Variants in MSRA observed in about 807,000 individuals in gnomAD.
MSRA encodes mitochondrial peptide methionine sulfoxide reductase.
In MSRA, 54 loss-of-function variants were observed where a neutral mutation model predicts 31.3. The observed-to-expected ratio is 1.73, with a 90% CI of 1.39 to 2.17. The LOEUF (loss-of-function observed/expected upper bound fraction) is 2.17, where lower values mean the gene tolerates loss of function less well. Ranked by LOEUF, MSRA falls within the 30% of genes most tolerant of loss-of-function variation. MSRA has a pLI of 0.00. For synonymous variants in MSRA, 169 were observed against 116.5 expected (o/e 1.45, Z -2.90); for missense variants, 507 against 300.9 (o/e 1.69, Z -5.07).
chr8:10,221,196 T>A (rs1469775529), intron 2 of MSRA, among the ~76,000 whole-genome samples: 1 of 152,164 alleles, frequency 6.6e-6, no homozygotes, highest in Non-Finnish European at 1.5e-5. Context: ...AAGACATAGG[T>A]CTGCAGTGAT....
intron 3 of MSRA, among the ~76,000 whole-genome samples, chr8:10,246,792 G>A (rs763590346): frequency 6.6e-6 from 1 of 152,186 alleles, no homozygotes; most frequent in African/African-American, 2.4e-5. Flanking sequence ...AGAATGTGGT[G>A]TAACAAACAA....
At chr8:10,377,665 G>A (rs1805830165) in intron 5 of MSRA, among the ~76,000 whole-genome samples, 1 of 152,170 alleles carries the variant, frequency 6.6e-6, no homozygotes, top group Non-Finnish European at 1.5e-5. Context: ...CAGAGCTTGG[G>A]AGCAAGCGGT....
chr8:10,279,154 C>T (rs1248616407), intron 3 of MSRA, among the ~76,000 whole-genome samples: 1 of 152,180 alleles, frequency 6.6e-6, no homozygotes, highest in African/African-American at 2.4e-5. Flanking sequence ...GCTGGAGCCT[C>T]TGTCTCTTCA....
intron 1 of MSRA, among the ~76,000 whole-genome samples, chr8:10,055,737 T>C (rs913124382): frequency 2.0e-5 from 3 of 152,266 alleles, no homozygotes; most frequent in African/African-American, 7.2e-5. Flanking sequence ...TTTCTTTTCC[T>C]TCAAGAATTG....
chr8:10,076,075 G>A (rs1254628351), intron 1 of MSRA, among the ~76,000 whole-genome samples: 1 of 104,756 alleles, frequency 9.5e-6, no homozygotes, highest in African/African-American at 2.7e-5. Flanking sequence ...AGTCAGAGCT[G>A]TGCGTCATGT....
Position 10,387,171 on chromosome 8 carries a change from C to A in MSRA, c.544-40977C>A, listed in dbSNP as rs147027106. Among the ~76,000 whole-genome samples, 142 of 152,318 alleles carry A rather than the reference C, an allele frequency of 9.3e-4. 1 individual carries two copies. The highest frequency in any genetic ancestry group is 3.2e-3 in the African/African-American group (133 of 41,574). On this transcript the variant is annotated intron_variant, in intron 5 of 5. Transcript: ENST00000317173. ...TAGAGGATCCGTGACTGCACTGCTA[C>A]ATGTGACAGATCATTGAGATTTAAC...
intron 5 of MSRA, among the ~76,000 whole-genome samples, chr8:10,372,401 G>A (rs754392566): frequency 3.9e-5 from 6 of 152,204 alleles, no homozygotes; most frequent in Non-Finnish European, 7.3e-5. Flanking sequence ...CATGTGAAGC[G>A]TATTGCAGTT....
At chr8:10,419,078 C>A (rs1182968594) in intron 5 of MSRA, among the ~76,000 whole-genome samples, 1 of 152,176 alleles carries the variant, frequency 6.6e-6, no homozygotes. Flanking sequence ...CCCCTCCCTC[C>A]CACGCATGTG....
chr8:10,313,263 T>C (rs1265732088), intron 4 of MSRA, among the ~76,000 whole-genome samples: 20 of 152,300 alleles, frequency 1.3e-4, no homozygotes, highest in Admixed American at 1.2e-3. Flanking sequence ...AGGGAAACCT[T>C]TGAAGCAACA....
intron 1 of MSRA, among the ~76,000 whole-genome samples, chr8:10,109,909 T>C (rs1157254240): frequency 6.6e-6 from 1 of 152,224 alleles, no homozygotes; most frequent in African/African-American, 2.4e-5. Flanking sequence ...TTAACACCGC[T>C]AGTCTGTGAA....
At chr8:10,150,089 A>C (rs1439589214) in intron 1 of MSRA, among the ~76,000 whole-genome samples, 4 of 151,872 alleles carry the variant, frequency 2.6e-5, no homozygotes. Context: ...AAAAAGGTTC[A>C]GTTGAAACTA....
intron 1 of MSRA, among the ~76,000 whole-genome samples, chr8:10,080,007 C>T (rs923488050): frequency 1.3e-5 from 2 of 152,146 alleles, no homozygotes; most frequent in African/African-American, 4.8e-5. Flanking sequence ...TCTCTCTTCC[C>T]GTCAAAATTA....
intron 3 of MSRA, among the ~76,000 whole-genome samples, chr8:10,272,548 G>C (rs1278025584): frequency 6.6e-6 from 1 of 152,196 alleles, no homozygotes; most frequent in Non-Finnish European, 1.5e-5. Flanking sequence ...GCTTTACCGG[G>C]TCTACGGATT....
intron 1 of MSRA, among the ~76,000 whole-genome samples, chr8:10,193,301 C>T (rs1807682516): frequency 6.6e-6 from 1 of 152,266 alleles, no homozygotes; most frequent in Admixed American, 6.5e-5. Flanking sequence ...TTTATGGAGG[C>T]CTATGGCCTT....
At chr8:10,214,254 G>A (rs1809781226) in intron 2 of MSRA, among the ~76,000 whole-genome samples, 1 of 152,132 alleles carries the variant, frequency 6.6e-6, no homozygotes, top group South Asian at 2.1e-4. Context: ...CCGGAGCAGG[G>A]GCCCGTGGCT....
chr8:10,418,820 A>AAAAAG (rs1808634879), intron 5 of MSRA, among the ~76,000 whole-genome samples: 1 of 80,430 alleles, frequency 1.2e-5, no homozygotes, highest in African/African-American at 4.0e-5. Context: ...ACGACTAAAA[A>AAAAAG]AAAAAAAAAA....
chr8:10,387,100 G>C (rs1297049146), intron 5 of MSRA, among the ~76,000 whole-genome samples: 1 of 152,116 alleles, frequency 6.6e-6, no homozygotes, highest in African/African-American at 2.4e-5. Context: ...GCTGCTGCCT[G>C]CTGCCTGCTG....
rs1563471378 is a variant in MSRA at position 10,428,135 on chromosome 8, T to C, written c.544-13T>C. The C allele has an allele frequency of 6.2e-7, 1 of 1,606,560 alleles. No homozygotes were observed. The highest frequency in any genetic ancestry group is 1.7e-5 in the Admixed American group (1 of 57,742). ...AGCATGGGAGCTGATGGCGCCTTTCTGTGTCCCCACAGGTTCTTTCAGAGC... is the reference window on the plus strand; with the variant it reads ...AGCATGGGAGCTGATGGCGCCTTTCCGTGTCCCCACAGGTTCTTTCAGAGC... On this transcript the variant is annotated splice_polypyrimidine_tract_variant and intron_variant, in intron 5 of 5. Coordinates refer to ENST00000317173, the MANE Select transcript of MSRA (RefSeq NM_012331.5).
At chr8:10,389,328 G>A (rs1240979109) in intron 5 of MSRA, among the ~76,000 whole-genome samples, 1 of 152,222 alleles carries the variant, frequency 6.6e-6, no homozygotes, top group East Asian at 1.9e-4. Context: ...GATGATTTTT[G>A]AGGCATGGTG....
Sources: allele counts gnomAD v4.1 joint callset (sites outside exome capture counted in the v4.1 genomes callset), GRCh38; gene constraint gnomAD v4.1.1; transcripts MANE v1.5; gene names NCBI Gene and HGNC (gene_info 2026-07-23, HGNC 2026-07-21).